KIF6: variants seen among roughly 807,000 people sequenced by gnomAD.
KIF6 encodes kinesin family member 6.
Under a neutral mutation model 112.7 loss-of-function variants are expected in KIF6, and 106 were observed. That is an observed-to-expected ratio of 0.94 (90% CI 0.80 to 1.11). The LOEUF is 1.11. KIF6 is among the 50% of genes least tolerant of loss of function. The pLI, the probability that KIF6 is intolerant of heterozygous loss-of-function variation, is 0.00. For synonymous variants in KIF6, 339 were observed against 339.9 expected (o/e 1.00, Z 0.03); for missense variants, 929 against 964.0 (o/e 0.96, Z 0.48).
chr6:39,481,148 A>C (rs180944002), intron 13 of KIF6, among the ~76,000 whole-genome samples: 25 of 152,278 alleles, frequency 1.6e-4, no homozygotes, highest in Admixed American at 1.6e-3. Flanking sequence ...TTTTTAAAAA[A>C]TGAAGAAAGA....
At chr6:39,700,984 G>A (rs1788848005) in intron 3 of KIF6, among the ~76,000 whole-genome samples, 1 of 152,158 alleles carries the variant, frequency 6.6e-6, no homozygotes. Flanking sequence ...AGAGGTGTGA[G>A]CCACCGCACC....
At chr6:39,416,382 C>T (rs1206169959) in intron 15 of KIF6, among the ~76,000 whole-genome samples, 2 of 152,264 alleles carry the variant, frequency 1.3e-5, no homozygotes, top group African/African-American at 4.8e-5. Context: ...TGAACATGTG[C>T]GAAACCCCAG....
intron 13 of KIF6, among the ~76,000 whole-genome samples, chr6:39,466,033 G>C (rs1773766535): frequency 6.6e-6 from 1 of 152,146 alleles, no homozygotes; most frequent in Admixed American, 6.5e-5. Flanking sequence ...ATATTACATG[G>C]CAAGTGCTTC....
intron 3 of KIF6, among the ~76,000 whole-genome samples, chr6:39,677,085 C>A (rs902196787): frequency 6.6e-6 from 1 of 152,054 alleles, no homozygotes; most frequent in African/African-American, 2.4e-5. Flanking sequence ...TATCAATATG[C>A]TTGATTACTG....
intron 13 of KIF6, among the ~76,000 whole-genome samples, chr6:39,461,406 C>T (rs566719593): frequency 6.6e-6 from 1 of 152,212 alleles, no homozygotes; most frequent in African/African-American, 2.4e-5. Context: ...CTTCCTCTCA[C>T]TCTAGACCAG....
At chr6:39,625,022 C>T (rs1413044767) in intron 5 of KIF6, among the ~76,000 whole-genome samples, 2 of 140,616 alleles carry the variant, frequency 1.4e-5, no homozygotes, top group Non-Finnish European at 3.0e-5. Context: ...GTATTAGTAT[C>T]CTTATAAGAA....
At chr6:39,446,768 G>A (rs1009059350) in intron 13 of KIF6, among the ~76,000 whole-genome samples, 1 of 152,164 alleles carries the variant, frequency 6.6e-6, no homozygotes, top group African/African-American at 2.4e-5. Flanking sequence ...GGGACTACAG[G>A]CATGAGCCAC....
At chr6:39,527,222 T>C (rs1777787229) in intron 13 of KIF6, among the ~76,000 whole-genome samples, 1 of 152,132 alleles carries the variant, frequency 6.6e-6, no homozygotes, top group African/African-American at 2.4e-5. Context: ...TATAGCTGCA[T>C]AATTAGCATC....
intron 16 of KIF6, among the ~76,000 whole-genome samples, chr6:39,376,725 G>T (rs146700709): frequency 6.6e-6 from 1 of 152,340 alleles, no homozygotes; most frequent in East Asian, 1.9e-4. Flanking sequence ...GCAGAGTTCT[G>T]TGTGAGCCCA....
chr6:39,370,780 C>T (rs1010941749), intron 16 of KIF6, among the ~76,000 whole-genome samples: 17 of 151,830 alleles, frequency 1.1e-4, no homozygotes, highest in Non-Finnish European at 1.5e-4. Context: ...CGAGAGACCA[C>T]GCAGAAAGTT....
intron 10 of KIF6, among the ~76,000 whole-genome samples, chr6:39,575,099 G>GT (rs1416966462): frequency 6.6e-6 from 1 of 151,972 alleles, no homozygotes; most frequent in Non-Finnish European, 1.5e-5. Flanking sequence ...GGCCCTATGG[G>GT]TTGTACAATC....
chr6:39,496,067 T>C (rs1430401071), intron 13 of KIF6, among the ~76,000 whole-genome samples: 1 of 152,190 alleles, frequency 6.6e-6, no homozygotes, highest in African/African-American at 2.4e-5. Flanking sequence ...ATTCTATCTT[T>C]TCCTCAAGCT....
intron 19 of KIF6, among the ~76,000 whole-genome samples, chr6:39,352,746 C>G (rs547676581): frequency 6.6e-6 from 1 of 151,976 alleles, no homozygotes; most frequent in Admixed American, 6.6e-5. Context: ...TGGGATTACA[C>G]GTGCATGCCA....
chr6:39,491,972 G>T (rs1775505221), intron 13 of KIF6, among the ~76,000 whole-genome samples: 1 of 152,176 alleles, frequency 6.6e-6, no homozygotes, highest in Admixed American at 6.5e-5. Context: ...TTCCATTTTT[G>T]AGTGGAAGTT....
At chr6:39,631,717 G>GT (rs1471777625) in intron 5 of KIF6, among the ~76,000 whole-genome samples, 18 of 143,012 alleles carry the variant, frequency 1.3e-4, no homozygotes, top group Non-Finnish European at 4.5e-5. Context: ...TTTTTTTTTT[G>GT]TTTTTTTGTT....
intron 3 of KIF6, among the ~76,000 whole-genome samples, chr6:39,663,248 T>C (rs923684812): frequency 3.9e-5 from 6 of 152,234 alleles, no homozygotes; most frequent in Non-Finnish European, 8.8e-5. Flanking sequence ...TTTTGGACTA[T>C]TTGTAGATAC....
chr6:39,362,201 G>A (rs990566225), intron 17 of KIF6, among the ~76,000 whole-genome samples: 2 of 152,146 alleles, frequency 1.3e-5, no homozygotes, highest in African/African-American at 4.8e-5. Context: ...CAGTGGACAA[G>A]CCCAGCTGCT....
intron 3 of KIF6, among the ~76,000 whole-genome samples, chr6:39,696,651 T>C (rs1456959146): frequency 6.6e-6 from 1 of 151,424 alleles, no homozygotes; most frequent in Admixed American, 6.6e-5. Flanking sequence ...GTATATAATA[T>C]ATAAATATAT....
intron 7 of KIF6, among the ~76,000 whole-genome samples, chr6:39,590,451 A>AT (rs58169713): frequency 0.1 from 8,643 of 84,298 alleles, 476 homozygotes; most frequent in South Asian, 0.2. Flanking sequence ...ATATATATAT[A>AT]TTTTTTTTTT....
Sources: allele counts gnomAD v4.1 joint callset (sites outside exome capture counted in the v4.1 genomes callset), GRCh38; gene constraint gnomAD v4.1.1; transcripts MANE v1.5; gene names NCBI Gene and HGNC (gene_info 2026-07-23, HGNC 2026-07-21).